GATAD2A: variants seen among roughly 807,000 people sequenced by gnomAD.
GATAD2A encodes the protein GATA zinc finger domain containing 2A, also known as transcriptional repressor p66-alpha.
A neutral mutation model predicts 68.5 loss-of-function variants in GATAD2A; 12 were observed. The observed-to-expected ratio is 0.18, with a 90% CI of 0.11 to 0.28. The LOEUF (loss-of-function observed/expected upper bound fraction) is 0.28, where lower values mean the gene tolerates loss of function less well. Among genes scored for constraint, GATAD2A ranks in the 10% least tolerant of loss-of-function variants. The pLI, the probability that GATAD2A is intolerant of heterozygous loss-of-function variation, is 1.00. For missense variants in GATAD2A, 755 were observed against 868.5 expected (o/e 0.87, Z 1.64); for synonymous variants, 410 against 375.3 (o/e 1.09, Z -1.07).
chr19:19,423,944 ACAGTGTCTTG>A (rs1816272598), intron 1 of GATAD2A, among the ~76,000 whole-genome samples: 1 of 152,126 alleles, frequency 6.6e-6, no homozygotes, highest in Non-Finnish European at 1.5e-5. Flanking sequence ...CTTTTAAGAA[ACAGTGTCTTG>A]CTCTGTCATC....
chr19:19,389,785 C>G (rs1200120415), intron 1 of GATAD2A, among the ~76,000 whole-genome samples: 1 of 152,122 alleles, frequency 6.6e-6, no homozygotes, highest in African/African-American at 2.4e-5. Context: ...TTTTTTGAGA[C>G]AGGGTCTCAC....
intron 1 of GATAD2A, among the ~76,000 whole-genome samples, chr19:19,416,630 G>A (rs535002437): frequency 6.6e-6 from 1 of 152,204 alleles, no homozygotes; most frequent in South Asian, 2.1e-4. Context: ...GAAGGGAGCT[G>A]CTCTACTCTG....
chr19:19,464,523 C>T (rs2057719115), intron 1 of GATAD2A, among the ~76,000 whole-genome samples: 1 of 152,226 alleles, frequency 6.6e-6, no homozygotes, highest in African/African-American at 2.4e-5. Context: ...AACAACACTT[C>T]AGCCTGTTGT....
chr19:19,474,159 A>C (rs993143750), intron 2 of GATAD2A: 3 of 985,254 alleles, frequency 3.0e-6, no homozygotes, highest in Non-Finnish European at 3.6e-6. Flanking sequence ...TCTGAGGATC[A>C]CGGATAGAGT....
chr19:19,467,575 G>A (rs983614410), intron 2 of GATAD2A, among the ~76,000 whole-genome samples: 1 of 152,062 alleles, frequency 6.6e-6, no homozygotes, highest in Non-Finnish European at 1.5e-5. Context: ...ATATTGTTGT[G>A]CATACCAGTA....
intron 2 of GATAD2A, among the ~76,000 whole-genome samples, chr19:19,482,417 T>C (rs1371451752): frequency 6.6e-6 from 1 of 152,132 alleles, no homozygotes; most frequent in Non-Finnish European, 1.5e-5. Flanking sequence ...AATAAAGATA[T>C]TTGATGACCT....
intron 1 of GATAD2A, among the ~76,000 whole-genome samples, chr19:19,439,168 T>G (rs1026573550): frequency 6.6e-6 from 1 of 152,226 alleles, no homozygotes; most frequent in African/African-American, 2.4e-5. Flanking sequence ...CAACTCCCAC[T>G]TGTGTGTACA....
At chr19:19,478,647 C>A (rs1480647342) in intron 2 of GATAD2A, among the ~76,000 whole-genome samples, 1 of 151,274 alleles carries the variant, frequency 6.6e-6, no homozygotes, top group Non-Finnish European at 1.5e-5. Context: ...AGTGTCTCTA[C>A]TAAAAATCCA....
At chr19:19,394,810 G>T (rs1025020668) in intron 1 of GATAD2A, among the ~76,000 whole-genome samples, 2 of 152,358 alleles carry the variant, frequency 1.3e-5, no homozygotes, top group South Asian at 2.1e-4. Context: ...GGCAAGGCTG[G>T]AAGTCTTAGA....
chr19:19,493,734 G>A (rs965504399), intron 4 of GATAD2A, among the ~76,000 whole-genome samples: 3 of 28,320 alleles, frequency 1.1e-4, no homozygotes, highest in Admixed American at 3.5e-4. Context: ...CACTGCCCCC[G>A]CGCCCCCTCC....
intron 1 of GATAD2A, among the ~76,000 whole-genome samples, chr19:19,388,143 C>T (rs1347909489): frequency 6.6e-6 from 1 of 151,524 alleles, no homozygotes; most frequent in Non-Finnish European, 1.5e-5. Context: ...CCGCAACCTC[C>T]GCCTCCTGGG....
At chr19:19,406,447 A>T (rs2050269416) in intron 1 of GATAD2A, among the ~76,000 whole-genome samples, 1 of 144,334 alleles carries the variant, frequency 6.9e-6, no homozygotes, top group African/African-American at 2.5e-5. Context: ...GCAACGCTGA[A>T]CCCCGCGGCG....
intron 6 of GATAD2A, 82 bp from the exon 7 acceptor site, chr19:19,495,970 G>A: frequency 6.3e-7 from 1 of 1,581,456 alleles, no homozygotes. Context: ...AGTCCTTGGG[G>A]GCAAGGTGCC....
intron 2 of GATAD2A, among the ~76,000 whole-genome samples, chr19:19,478,633 C>T (rs2058838228): frequency 6.6e-6 from 1 of 151,540 alleles, no homozygotes. Context: ...GGCAACATAG[C>T]AAAAGTGTCT....
At position 19,419,769 on chromosome 19, in the gene GATAD2A, G is replaced by A. The variant is rs573500564; in HGVS notation, c.-7+13750G>A. Among the ~76,000 whole-genome samples, 30 of 152,070 alleles carry A rather than the reference G, an allele frequency of 2.0e-4. No individual in the cohort carries two copies. The East Asian group carries it at 3.3e-3, about 17-fold the overall frequency. ...GACCTCAGGTGATCCGCCTGCCTTG[G>A]CCTCCCAAAGTGCTGAGACAGGTGT... On this transcript the variant is annotated intron_variant, in intron 1 of 11. Transcript: ENST00000683918.
intron 2 of GATAD2A, among the ~76,000 whole-genome samples, chr19:19,471,740 C>T (rs1405366187): frequency 6.6e-6 from 1 of 152,174 alleles, no homozygotes; most frequent in Non-Finnish European, 1.5e-5. Context: ...GTTGTGGCAT[C>T]CATAAATGTG....
At chr19:19,398,480 C>T (rs2049441031) in intron 1 of GATAD2A, among the ~76,000 whole-genome samples, 6 of 151,782 alleles carry the variant, frequency 4.0e-5, no homozygotes, top group Admixed American at 3.9e-4. Flanking sequence ...GGATTACAGG[C>T]GTGAGCCACC....
At chr19:19,424,930 A>G (rs2052889454) in intron 1 of GATAD2A, among the ~76,000 whole-genome samples, 1 of 151,956 alleles carries the variant, frequency 6.6e-6, no homozygotes, top group African/African-American at 2.4e-5. Flanking sequence ...CCTGGGCAAC[A>G]TAGTGAGATC....
At chr19:19,433,638 A>G (rs1050652996) in intron 1 of GATAD2A, among the ~76,000 whole-genome samples, 2 of 152,122 alleles carry the variant, frequency 1.3e-5, no homozygotes, top group African/African-American at 4.8e-5. Context: ...GGCTATTGTG[A>G]TTGATTCATG....
Sources: gnomAD v4.1 joint callset for allele counts (sites outside exome capture counted in the v4.1 genomes callset) on GRCh38, gnomAD v4.1.1 for gene constraint, MANE v1.5 for transcripts, NCBI Gene and HGNC (gene_info 2026-07-23, HGNC 2026-07-21) for gene names.